Variants in CCSER1 observed in about 807,000 individuals in gnomAD.
The protein encoded by CCSER1 is serine-rich coiled-coil domain-containing protein 1.
A neutral mutation model predicts 82.0 loss-of-function variants in CCSER1; 41 were observed. The ratio of observed to expected loss-of-function variants is 0.50; its 90% CI spans 0.39 to 0.65. The LOEUF is 0.65. Ranked by LOEUF, CCSER1 falls within the 30% of genes least tolerant of loss-of-function variation. The pLI is 0.00. For missense variants in CCSER1, 1,119 were observed against 1,064.2 expected (o/e 1.05, Z -0.72); for synonymous variants, 414 against 383.9 (o/e 1.08, Z -0.92).
At chr4:90,296,630 A>C in intron 1 of CCSER1, among the ~76,000 whole-genome samples, 1 of 152,094 alleles carries the variant, frequency 6.6e-6, no homozygotes, top group Non-Finnish European at 1.5e-5. Context: ...TTTTAGGTCT[A>C]ACGTTTAAGT....
At chr4:91,427,081 AATCACCATGCTAACC>A (rs1454701054) in intron 10 of CCSER1, among the ~76,000 whole-genome samples, 1 of 152,134 alleles carries the variant, frequency 6.6e-6, no homozygotes, top group East Asian at 1.9e-4. Context: ...CCAGGCTCTT[AATCACCATGCTAACC>A]ATCTTCATTC....
chr4:91,598,203 CAT>C (rs560720889), intron 10 of CCSER1, among the ~76,000 whole-genome samples: 48 of 152,256 alleles, frequency 3.2e-4, no homozygotes, highest in South Asian at 3.1e-3. Context: ...CTAATGGCCT[CAT>C]ATGTCTATAT....
At chr4:91,041,326 T>C (rs10516887) in intron 9 of CCSER1, among the ~76,000 whole-genome samples, 37,837 of 152,152 alleles carry the variant, frequency 0.25, 5,207 homozygotes, top group Non-Finnish European at 0.31. Context: ...TTATCCATTT[T>C]GGTCAGTGAC....
At chr4:90,797,590 T>C (rs1374025805) in intron 7 of CCSER1, among the ~76,000 whole-genome samples, 1 of 152,220 alleles carries the variant, frequency 6.6e-6, no homozygotes, top group Non-Finnish European at 1.5e-5. Context: ...TAATTTAGTT[T>C]ATTTTTGTAG....
In CCSER1 at chr4:90,998,306, C is replaced by T. The variant is rs376786423; in HGVS notation, c.2172+74859C>T. ...TGTTGATCAAGCTCGTCTCAAACTC[C>T]GGACCTCAGGTGATCCACCCTCCTC... On this transcript the variant is annotated intron_variant, in intron 9 of 10. Coordinates refer to ENST00000509176, the MANE Select transcript of CCSER1 (RefSeq NM_001145065.2). 6.4e-4 allele frequency among the ~76,000 whole-genome samples: 98 copies of T among 152,064 alleles called. 5 individuals carry two copies. Among genetic ancestry groups the T allele is most frequent in the Admixed American group, 2.0e-4 (3 of 15,260 alleles).
intron 4 of CCSER1, among the ~76,000 whole-genome samples, chr4:90,437,697 G>T (rs1400703095): frequency 6.6e-6 from 1 of 152,052 alleles, no homozygotes; most frequent in South Asian, 2.1e-4. Context: ...GAACACTGAG[G>T]CAAGCAACCT....
At chr4:91,503,329 G>A (rs1211357188) in intron 10 of CCSER1, among the ~76,000 whole-genome samples, 9 of 144,588 alleles carry the variant, frequency 6.2e-5, no homozygotes, top group Non-Finnish European at 9.0e-5. Flanking sequence ...GAGAAAGAGC[G>A]ATACTCCATC....
At chr4:90,587,092 G>T (rs1782105328) in intron 5 of CCSER1, among the ~76,000 whole-genome samples, 1 of 152,168 alleles carries the variant, frequency 6.6e-6, no homozygotes, top group African/African-American at 2.4e-5. Context: ...TACTGGCTTT[G>T]CAAATGGATC....
chr4:90,727,746 A>G (rs1743926081), intron 7 of CCSER1, among the ~76,000 whole-genome samples: 2 of 152,226 alleles, frequency 1.3e-5, no homozygotes, highest in Admixed American at 6.5e-5. Context: ...CCATAAAAGT[A>G]CAATTTATCA....
intron 8 of CCSER1, among the ~76,000 whole-genome samples, chr4:90,829,305 TA>T (rs1222982456): frequency 1.3e-5 from 2 of 152,112 alleles, no homozygotes; most frequent in Admixed American, 6.6e-5. Context: ...AAGCCTCTCT[TA>T]AAAAACTGAT....
chr4:90,333,376 A>G, intron 3 of CCSER1, among the ~76,000 whole-genome samples: 1 of 152,314 alleles, frequency 6.6e-6, no homozygotes, highest in East Asian at 1.9e-4. Context: ...ACCAGGAATT[A>G]GACAAGAAAC....
intron 5 of CCSER1, among the ~76,000 whole-genome samples, chr4:90,596,184 A>G (rs1783307874): frequency 6.6e-6 from 1 of 151,972 alleles, no homozygotes; most frequent in Admixed American, 6.6e-5. Context: ...AAGAATTAAA[A>G]GAACGCACAC....
At chr4:90,384,791 G>T (rs1231242083) in intron 3 of CCSER1, among the ~76,000 whole-genome samples, 2 of 152,092 alleles carry the variant, frequency 1.3e-5, no homozygotes, top group Admixed American at 1.3e-4. Context: ...TTACATGGAT[G>T]AATTGTATAG....
At chr4:91,180,197 G>C (rs1398496425) in intron 10 of CCSER1, among the ~76,000 whole-genome samples, 1 of 152,190 alleles carries the variant, frequency 6.6e-6, no homozygotes, top group Non-Finnish European at 1.5e-5. Context: ...GCACCCGGCT[G>C]TATGAGGTGT....
intron 10 of CCSER1, among the ~76,000 whole-genome samples, chr4:91,385,172 T>A (rs972502907): frequency 8.5e-5 from 13 of 152,048 alleles, no homozygotes; most frequent in African/African-American, 3.1e-4. Flanking sequence ...TTGGAAATTA[T>A]GAAAATATCC....
In CCSER1 at chr4:90,628,375, A is replaced by T. The variant is rs1204717928; in HGVS notation, c.1932+143A>T. 9 of 630,944 alleles carry T rather than the reference A, an allele frequency of 1.4e-5. No homozygotes were observed. The East Asian group carries it at 2.5e-4, about 17-fold the overall frequency. 39.1% of individuals were successfully genotyped at this position (630,944 alleles called of 1,614,324 possible). A position where few individuals can be genotyped will look rare whatever the true frequency, so the allele number is the denominator to read the frequency against. ...TTCCTCTTGGAGCTTAGCTATTTTC[A>T]TATGTCAAATGAGTGTTTTGAAGTT... is the stretch of plus-strand genomic sequence containing the variant. On this transcript the variant is annotated intron_variant, in intron 6 of 10. Coordinates refer to ENST00000509176, the MANE Select transcript of CCSER1 (RefSeq NM_001145065.2).
At chr4:91,225,021 A>G (rs977661628) in intron 10 of CCSER1, among the ~76,000 whole-genome samples, 1 of 150,610 alleles carries the variant, frequency 6.6e-6, no homozygotes, top group Admixed American at 6.7e-5. Flanking sequence ...TCAAATCAAT[A>G]TTTTAAACAT....
intron 6 of CCSER1, among the ~76,000 whole-genome samples, chr4:90,691,597 A>G (rs1735935275): frequency 1.3e-5 from 2 of 148,276 alleles, no homozygotes; most frequent in Non-Finnish European, 3.0e-5. Flanking sequence ...AATATATCAC[A>G]TGTGTATATA....
At chr4:90,910,929 G>A (rs180715742) in intron 8 of CCSER1, among the ~76,000 whole-genome samples, 1 of 152,296 alleles carries the variant, frequency 6.6e-6, no homozygotes, top group Admixed American at 6.5e-5. Context: ...CTCACAGAAT[G>A]TAAGTCTAAA....
Sources: allele counts gnomAD v4.1 joint callset (sites outside exome capture counted in the v4.1 genomes callset), GRCh38; gene constraint gnomAD v4.1.1; transcripts MANE v1.5; gene names NCBI Gene and HGNC (gene_info 2026-07-23, HGNC 2026-07-21).